HEATR3: variants seen among roughly 807,000 people sequenced by gnomAD.
HEATR3 encodes HEAT repeat-containing protein 3.
Under a neutral mutation model 72.8 loss-of-function variants are expected in HEATR3, and 56 were observed. The ratio of observed to expected loss-of-function variants is 0.77; its 90% CI spans 0.62 to 0.96. HEATR3 has a LOEUF of 0.96. HEATR3 is among the 40% of genes least tolerant of loss of function. The probability of loss-of-function intolerance (pLI) is 0.00; values close to 1 mark genes in which losing one functional copy is unlikely to be tolerated. For missense variants in HEATR3, 747 were observed against 831.4 expected, an observed-to-expected ratio of 0.90 and a Z score of 1.25; for synonymous variants, 331 against 318.1, an observed-to-expected ratio of 1.04 and a Z score of -0.43.
chr16:50,082,747 C>A (rs2036895012), intron 7 of HEATR3, among the ~76,000 whole-genome samples: 1 of 123,630 alleles, frequency 8.1e-6, no homozygotes, highest in Non-Finnish European at 1.7e-5. Context: ...TATACTGAGA[C>A]CCCATCTCTC....
chr16:50,105,373 A>G lies in HEATR3; in HGVS notation c.*312A>G, dbSNP rs2037461764. Reference sequence around the variant, plus strand: ...GCTACTCGGGAGGCTGAGGGAGGAGAGTCGGTTGAACCTGGGAGACAGAGG... The same window carrying G: ...GCTACTCGGGAGGCTGAGGGAGGAGGGTCGGTTGAACCTGGGAGACAGAGG... On this transcript the variant is annotated 3_prime_UTR_variant, in exon 15 of 15. Transcript: ENST00000299192. 2 of 290,048 alleles carry G rather than the reference A, an allele frequency of 6.9e-6. No individual in the cohort carries two copies. Among genetic ancestry groups the G allele is most frequent in the Non-Finnish European group, 1.3e-5 (2 of 153,884 alleles). The allele number at this position is 290,048 out of a possible 1,614,324, so 18.0% of individuals were successfully genotyped here.
chr16:50,095,266 AC>A (rs1229234080), intron 12 of HEATR3, among the ~76,000 whole-genome samples: 2 of 152,032 alleles, frequency 1.3e-5, no homozygotes, highest in African/African-American at 4.8e-5. Context: ...GGCATGCGTC[AC>A]CACAAAATTT....
intron 7 of HEATR3, among the ~76,000 whole-genome samples, chr16:50,082,453 A>T (rs2036887886): frequency 6.6e-6 from 1 of 152,200 alleles, no homozygotes; most frequent in African/African-American, 2.4e-5. Flanking sequence ...ATAAATGTAT[A>T]TTTAGTTGAA....
intron 14 of HEATR3, among the ~76,000 whole-genome samples, chr16:50,104,253 A>C (rs1359511077): frequency 6.6e-6 from 1 of 152,070 alleles, no homozygotes; most frequent in Non-Finnish European, 1.5e-5. Flanking sequence ...CTGTGGTGGC[A>C]GAGGCAGGAG....
At chr16:50,070,683 CAG>C (rs898706102) in intron 4 of HEATR3, among the ~76,000 whole-genome samples, 4 of 151,296 alleles carry the variant, frequency 2.6e-5, no homozygotes, top group Non-Finnish European at 5.9e-5. Context: ...GCCTGGGGGA[CAG>C]GGCGAAATTC....
At chr16:50,079,100 A>C (rs2036809003) in intron 7 of HEATR3, 82 bp downstream of exon 7, 1 of 1,381,726 alleles carries the variant, frequency 7.2e-7, no homozygotes, top group Admixed American at 2.3e-5. Context: ...TTGCAGAAAA[A>C]TGTTATAGCA....
At chr16:50,103,806 A>T (rs928722385) in intron 14 of HEATR3, among the ~76,000 whole-genome samples, 5 of 151,956 alleles carry the variant, frequency 3.3e-5, no homozygotes, top group Admixed American at 6.6e-5. Context: ...TGGGAGGATC[A>T]CTCGAGTCCA....
In HEATR3 at chr16:50,105,041, G is replaced by A; in HGVS notation, c.2023G>A (p.Glu675Lys). The change falls in exon 15 of 15, where the codon GAG (glutamate) becomes AAG (lysine). Residue 675 changes from glutamate to lysine, a missense_variant. This residue lies in a region of HEATR3 where 586 missense variants were observed against 708.8 expected (regional missense o/e 0.83). Transcript: ENST00000299192. ...RRFIAYQETVEKRLTS is the reference protein window; with the variant it reads ...RRFIAYQETVKKRLTS ...ATTTATTGCTTATCAAGAAACTGTTGAGAAAAGACTGACTTCTTAAACAAT... is the reference window on the plus strand; with the variant it reads ...ATTTATTGCTTATCAAGAAACTGTTAAGAAAAGACTGACTTCTTAAACAAT... 6.2e-7 allele frequency: 1 copy of A among 1,611,858 alleles called. No individual in the cohort carries two copies. Among genetic ancestry groups the A allele is most frequent in the Non-Finnish European group, 8.5e-7 (1 of 1,179,504 alleles).
chr16:50,084,113 C>T, intron 8 of HEATR3, 21 bp from the exon 9 acceptor site: 28 of 1,614,036 alleles, frequency 1.7e-5, no homozygotes, highest in Non-Finnish European at 2.3e-5. Context: ...TCCAGTTCTG[C>T]GTGGTTTGCC....
intron 2 of HEATR3, among the ~76,000 whole-genome samples, chr16:50,067,075 C>T (rs2036514197): frequency 6.6e-6 from 1 of 152,024 alleles, no homozygotes; most frequent in African/African-American, 2.4e-5. Context: ...GCTCTTGGGC[C>T]GGGCGCGGTG....
At chr16:50,073,097 A>C (rs913070891) in intron 5 of HEATR3, 14 of 178,218 alleles carry the variant, frequency 7.9e-5, no homozygotes, top group Non-Finnish European at 1.6e-4. Flanking sequence ...GTATTGTGCT[A>C]CTATCTCATA....
chr16:50,068,647 A>G, intron 2 of HEATR3, 133 bp from the exon 3 acceptor site: 1 of 681,590 alleles, frequency 1.5e-6, no homozygotes, highest in Non-Finnish European at 2.6e-6. Flanking sequence ...TTGGTTCTGC[A>G]GCGTATGACA....
In HEATR3 at chr16:50,093,212, G is replaced by T. The variant is rs928176466; in HGVS notation, c.1511-1493G>T. ...TCTACCCGGGTAACCTAAAAGTGGG[G>T]GATCGGAATGGTATAAGTCCCAGGA... On this transcript the variant is annotated intron_variant, in intron 11 of 14. Coordinates refer to ENST00000299192, the MANE Select transcript of HEATR3 (RefSeq NM_182922.4). Among the ~76,000 whole-genome samples the T allele has an allele frequency of 2.0e-5, 3 of 152,136 alleles. No individual in the cohort carries two copies. The East Asian group carries it at 5.8e-4, about 29-fold the overall frequency.
chr16:50,088,099 C>G (rs939329789), intron 11 of HEATR3, among the ~76,000 whole-genome samples: 1 of 152,122 alleles, frequency 6.6e-6, no homozygotes, highest in Non-Finnish European at 1.5e-5. Context: ...TGCACTCCAG[C>G]CTGGGCAACA....
At chr16:50,074,528 TGG>T (rs1234187098) in intron 5 of HEATR3, 4 of 151,972 alleles carry the variant, frequency 2.6e-5, no homozygotes, top group African/African-American at 7.3e-5. Context: ...TCAGTAGAGA[TGG>T]GGTTTTGCCA....
At chr16:50,096,197 C>T (rs1183966373) in intron 12 of HEATR3, among the ~76,000 whole-genome samples, 2 of 151,606 alleles carry the variant, frequency 1.3e-5, no homozygotes, top group Non-Finnish European at 2.9e-5. Flanking sequence ...TGGTGGCGCA[C>T]TCCTATAATC....
rs942295647 is a variant in HEATR3, at chr16:50,066,001, G to A, written c.-131G>A. On this transcript the variant is annotated 5_prime_UTR_variant, in exon 1 of 15. Coordinates refer to ENST00000299192, the MANE Select transcript of HEATR3 (RefSeq NM_182922.4). Reference sequence around the variant, plus strand: ...CGCGCCGTGCGCCTGCGCACGGCTTGCCCATGTGTGCTGCAGCCGTCAGCC... The same window carrying A: ...CGCGCCGTGCGCCTGCGCACGGCTTACCCATGTGTGCTGCAGCCGTCAGCC... The A allele has an allele frequency of 4.3e-6, 3 of 699,730 alleles. No individual in the cohort carries two copies. Among genetic ancestry groups the A allele is most frequent in the African/African-American group, 4.4e-5 (2 of 45,232 alleles). The allele number at this position is 699,730 out of a possible 1,614,324, so 43.3% of individuals were successfully genotyped here. A position where few individuals can be genotyped will look rare whatever the true frequency, so the allele number is the denominator to read the frequency against.
Position 50,076,423 on chromosome 16 carries a change from G to C in HEATR3, c.763+712G>C, listed in dbSNP as rs181455790. Among the ~76,000 whole-genome samples, 24 of 152,202 alleles carry C rather than the reference G, an allele frequency of 1.6e-4. No homozygotes were observed. In the East Asian group the frequency reaches 4.6e-3, roughly 29 times the overall value. On this transcript the variant is annotated intron_variant, in intron 6 of 14. Coordinates refer to ENST00000299192, the MANE Select transcript of HEATR3 (RefSeq NM_182922.4). ...GGCTGGTCTTGAGCTCGGGACCTCAGGTGATTTGCCCACCTTGACCTCCTA... is the reference window on the plus strand; with the variant it reads ...GGCTGGTCTTGAGCTCGGGACCTCACGTGATTTGCCCACCTTGACCTCCTA...
intron 14 of HEATR3, among the ~76,000 whole-genome samples, chr16:50,103,852 C>T (rs1317652872): frequency 6.6e-6 from 1 of 152,056 alleles, no homozygotes; most frequent in East Asian, 1.9e-4. Context: ...ATAGCAAGAA[C>T]TTGTCTCTAC....
Sources: allele counts gnomAD v4.1 joint callset (sites outside exome capture counted in the v4.1 genomes callset), GRCh38; gene constraint gnomAD v4.1.1; regional missense constraint gnomAD v4.1.1; transcripts MANE v1.5; gene names NCBI Gene and HGNC (gene_info 2026-07-23, HGNC 2026-07-21).